The following LRRC4C variants were observed in gnomAD, a reference collection of about 807,000 sequenced individuals.
LRRC4C encodes leucine rich repeat containing 4C.
In LRRC4C, 5 loss-of-function variants were observed where a neutral mutation model predicts 33.6. The ratio of observed to expected loss-of-function variants is 0.15; its 90% CI spans 0.08 to 0.31. The LOEUF is 0.31. Ranked by LOEUF, LRRC4C falls within the 10% of genes least tolerant of loss-of-function variation. The pLI is 1.00. For missense variants in LRRC4C, 560 were observed against 796.7 expected (o/e 0.70, Z 3.58); for synonymous variants, 329 against 302.0 (o/e 1.09, Z -0.93).
intron 3 of LRRC4C, among the ~76,000 whole-genome samples, chr11:40,472,113 T>C (rs544260073): frequency 1.5e-5 from 2 of 133,830 alleles, no homozygotes; most frequent in African/African-American, 4.9e-5. Context: ...CTGTCTCTAC[T>C]AAAAAAAATA....
chr11:41,119,258 T>C (rs1942301682), intron 1 of LRRC4C, among the ~76,000 whole-genome samples: 1 of 152,162 alleles, frequency 6.6e-6, no homozygotes, highest in African/African-American at 2.4e-5. Flanking sequence ...TTTTCCAGTA[T>C]GTGAGATAGC....
At chr11:40,947,448 T>C (rs1320890759) in intron 1 of LRRC4C, among the ~76,000 whole-genome samples, 1 of 152,120 alleles carries the variant, frequency 6.6e-6, no homozygotes, top group Admixed American at 6.6e-5. Context: ...TAATTTTGTC[T>C]CTACTGAGGC....
At chr11:40,996,211 G>A (rs1853963389) in intron 1 of LRRC4C, among the ~76,000 whole-genome samples, 1 of 152,108 alleles carries the variant, frequency 6.6e-6, no homozygotes, top group Non-Finnish European at 1.5e-5. Context: ...GCAGATAAGA[G>A]AGGAATGACT....
Position 40,114,866 on chromosome 11 carries a change from A to C in LRRC4C, c.1427T>G (p.Val476Gly). ...CCAGTCGACCACTGGAGTGGGACCC[A>C]CATTGTTATCTGTGGTCCGTGCCTC... ...QDEARTTDNN[V>G]GPTPVVDWET... Residue 476 changes from valine to glycine, a missense_variant, in exon 7 of 7, where the codon GTG (valine) becomes GGG (glycine). Physicochemically the swap from Val to Gly is moderately radical, Grantham distance 109. This residue lies in a region of LRRC4C where 455 missense variants were observed against 643.8 expected (regional missense o/e 0.71). Coordinates refer to ENST00000528697, the MANE Select transcript of LRRC4C (RefSeq NM_001258419.2). 6.2e-7 allele frequency: 1 copy of C among 1,614,176 alleles called. No individual in the cohort carries two copies. The highest frequency in any genetic ancestry group is 1.1e-5 in the South Asian group (1 of 91,078).
chr11:40,834,923 C>G (rs1464930087), intron 2 of LRRC4C, among the ~76,000 whole-genome samples: 2 of 140,840 alleles, frequency 1.4e-5, no homozygotes, highest in African/African-American at 2.9e-5. Flanking sequence ...CACACACACA[C>G]ACACACACAC....
At chr11:40,457,866 A>C (rs1220064499) in intron 3 of LRRC4C, among the ~76,000 whole-genome samples, 5 of 152,156 alleles carry the variant, frequency 3.3e-5, no homozygotes, top group Non-Finnish European at 7.4e-5. Context: ...ATATTATTGC[A>C]GAAGTCTCTG....
intron 2 of LRRC4C, among the ~76,000 whole-genome samples, chr11:40,712,413 AC>A (rs2136602844): frequency 6.6e-6 from 1 of 152,292 alleles, no homozygotes; most frequent in East Asian, 1.9e-4. Flanking sequence ...TAAAAGTTAA[AC>A]CTACATGCCA....
At chr11:41,290,866 G>T (rs1949973500) in intron 1 of LRRC4C, among the ~76,000 whole-genome samples, 1 of 152,116 alleles carries the variant, frequency 6.6e-6, no homozygotes, top group Non-Finnish European at 1.5e-5. Context: ...AGACCAAGAT[G>T]ATGGAGAGAC....
intron 2 of LRRC4C, among the ~76,000 whole-genome samples, chr11:40,688,890 G>C (rs1040211210): frequency 2.0e-5 from 3 of 152,026 alleles, no homozygotes; most frequent in Admixed American, 2.0e-4. Context: ...CATTTTCAGG[G>C]CTGGGGCATG....
At chr11:40,495,828 T>TTTTTG (rs1382118187) in intron 3 of LRRC4C, among the ~76,000 whole-genome samples, 19 of 45,712 alleles carry the variant, frequency 4.2e-4, no homozygotes, top group African/African-American at 1.4e-3. Flanking sequence ...TTTTTTTTTT[T>TTTTTG]TTTTTTTTTT....
At chr11:40,560,612 G>C (rs991242395) in intron 3 of LRRC4C, among the ~76,000 whole-genome samples, 1 of 152,066 alleles carries the variant, frequency 6.6e-6, no homozygotes, top group Admixed American at 6.6e-5. Flanking sequence ...ATAAGAAGAG[G>C]GATTATTTTG....
rs148573904 is a variant in LRRC4C, at chr11:40,341,236, T to C, written c.-269-21515A>G. On this transcript the variant is annotated intron_variant, in intron 3 of 6. Transcript: ENST00000528697. ...GGTTTCCAGCTTCATCCTTGTCCCT[T>C]ACAAAGGACATGAACTCATCATTTT... Among the ~76,000 whole-genome samples, 71 of 152,280 alleles carry C rather than the reference T, an allele frequency of 4.7e-4. 2 individuals carry two copies. The highest frequency in any genetic ancestry group is 1.6e-3 in the African/African-American group (67 of 41,540).
chr11:40,930,350 GAGCCTATTGCTCT>G (rs1323411422), intron 2 of LRRC4C, among the ~76,000 whole-genome samples: 1 of 152,150 alleles, frequency 6.6e-6, no homozygotes, highest in African/African-American at 2.4e-5. Flanking sequence ...GTGGGGACTG[GAGCCTATTGCTCT>G]AGCCTTTACA....
chr11:40,410,542 T>C (rs1207649102), intron 3 of LRRC4C, among the ~76,000 whole-genome samples: 1 of 152,052 alleles, frequency 6.6e-6, no homozygotes. Flanking sequence ...CACCTTTATA[T>C]CTTATTGAGT....
intron 3 of LRRC4C, among the ~76,000 whole-genome samples, chr11:40,479,079 G>A (rs1332314344): frequency 6.6e-6 from 1 of 152,000 alleles, no homozygotes; most frequent in Non-Finnish European, 1.5e-5. Flanking sequence ...GGCTTGGACT[G>A]GAATGTCCAA....
intron 2 of LRRC4C, among the ~76,000 whole-genome samples, chr11:40,805,202 G>T (rs1951192616): frequency 6.6e-6 from 1 of 152,184 alleles, no homozygotes; most frequent in African/African-American, 2.4e-5. Flanking sequence ...AAGGATGTTT[G>T]CTGAGTGGCT....
At chr11:40,562,703 C>A (rs533505722) in intron 3 of LRRC4C, among the ~76,000 whole-genome samples, 18 of 152,152 alleles carry the variant, frequency 1.2e-4, no homozygotes, top group Non-Finnish European at 2.5e-4. Flanking sequence ...AAACCTGCCC[C>A]CAGCTGCTGC....
chr11:41,091,457 C>T (rs755335498), intron 1 of LRRC4C, among the ~76,000 whole-genome samples: 5 of 151,858 alleles, frequency 3.3e-5, no homozygotes, highest in Non-Finnish European at 7.4e-5. Context: ...AGACAAAACT[C>T]GAAATCAGGA....
intron 3 of LRRC4C, among the ~76,000 whole-genome samples, chr11:40,431,236 G>A (rs1379063576): frequency 6.6e-6 from 1 of 151,182 alleles, no homozygotes; most frequent in Non-Finnish European, 1.5e-5. Context: ...AGACCAGCCT[G>A]GCTAACATGG....
Sources: allele counts gnomAD v4.1 joint callset (sites outside exome capture counted in the v4.1 genomes callset), GRCh38; gene constraint gnomAD v4.1.1; regional missense constraint gnomAD v4.1.1; transcripts MANE v1.5; gene names NCBI Gene and HGNC (gene_info 2026-07-23, HGNC 2026-07-21).